NRG2: variants seen among roughly 807,000 people sequenced by gnomAD.
NRG2 encodes the protein pro-neuregulin-2, membrane-bound isoform.
NRG2 carries 27 observed loss-of-function variants against 73.9 expected under a neutral mutation model. That is an observed-to-expected ratio of 0.37 (90% CI 0.27 to 0.50). The LOEUF (loss-of-function observed/expected upper bound fraction) is 0.50. NRG2 is among the 20% of genes least tolerant of loss of function. The pLI, the probability that NRG2 is intolerant of heterozygous loss-of-function variation, is 0.96. For synonymous variants in NRG2, 532 were observed against 541.0 expected (o/e 0.98, Z 0.23); for missense variants, 1,126 against 1,210.1 (o/e 0.93, Z 1.03).
intron 1 of NRG2, among the ~76,000 whole-genome samples, chr5:139,942,543 A>G (rs1753480902): frequency 1.3e-5 from 2 of 152,292 alleles, no homozygotes; most frequent in South Asian, 4.2e-4. Context: ...GTGACTTCAA[A>G]CTTGGCATCC....
At chr5:139,960,840 C>A (rs1403329695) in intron 1 of NRG2, among the ~76,000 whole-genome samples, 2 of 152,192 alleles carry the variant, frequency 1.3e-5, no homozygotes, top group Non-Finnish European at 2.9e-5. Flanking sequence ...GTTAACCCCA[C>A]CACCTTCTAG....
chr5:139,867,836 G>A (rs1380667894), intron 4 of NRG2, among the ~76,000 whole-genome samples: 1 of 149,498 alleles, frequency 6.7e-6, no homozygotes, highest in Non-Finnish European at 1.5e-5. Flanking sequence ...GTGTGTGTGT[G>A]ACAGAGAGAG....
At chr5:139,895,250 C>A (rs1015885909) in intron 1 of NRG2, among the ~76,000 whole-genome samples, 1 of 152,240 alleles carries the variant, frequency 6.6e-6, no homozygotes, top group Non-Finnish European at 1.5e-5. Flanking sequence ...CAGGGCTCTG[C>A]AAGGCCAGGG....
intron 1 of NRG2, among the ~76,000 whole-genome samples, chr5:139,888,887 A>G (rs547637872): frequency 6.6e-6 from 1 of 152,346 alleles, no homozygotes; most frequent in African/African-American, 2.4e-5. Context: ...CCATTTTTAA[A>G]CAAAATGGAA....
At chr5:140,002,100 C>T (rs1758534377) in intron 1 of NRG2, among the ~76,000 whole-genome samples, 1 of 152,092 alleles carries the variant, frequency 6.6e-6, no homozygotes, top group Admixed American at 6.6e-5. Context: ...AGGAGGGTCA[C>T]TTGAGCCTGG....
At chr5:139,861,570 C>T (rs1048367988) in intron 5 of NRG2, among the ~76,000 whole-genome samples, 4 of 152,258 alleles carry the variant, frequency 2.6e-5, no homozygotes, top group African/African-American at 9.6e-5. Flanking sequence ...TTTCCAGACA[C>T]AAGCCATTCT....
intron 6 of NRG2, among the ~76,000 whole-genome samples, chr5:139,855,043 C>T (rs764527424): frequency 1.3e-5 from 2 of 152,144 alleles, no homozygotes; most frequent in Non-Finnish European, 2.9e-5. Flanking sequence ...TTAGACTGCC[C>T]GGCTCCCTCT....
intron 2 of NRG2, among the ~76,000 whole-genome samples, chr5:139,886,620 T>C (rs1763889741): frequency 6.6e-6 from 1 of 152,302 alleles, no homozygotes; most frequent in Admixed American, 6.5e-5. Context: ...GTTTTCCCCC[T>C]TGCTTCTCCT....
At chr5:139,898,410 G>A (rs1304688473) in intron 1 of NRG2, among the ~76,000 whole-genome samples, 2 of 152,218 alleles carry the variant, frequency 1.3e-5, no homozygotes, top group Non-Finnish European at 2.9e-5. Context: ...GCCTTGGTGT[G>A]TGGACTTCCC....
At position 140,008,321 on chromosome 5, in the gene NRG2, G is replaced by A. The variant is rs1013919183; in HGVS notation, c.700+34049C>T. Among the ~76,000 whole-genome samples, 3 of 152,150 alleles carry A rather than the reference G, an allele frequency of 2.0e-5. No individual in the cohort carries two copies. The highest frequency in any genetic ancestry group is 1.9e-4 in the East Asian group (1 of 5,186). On this transcript the variant is annotated intron_variant, in intron 1 of 9. Coordinates refer to ENST00000361474, the MANE Select transcript of NRG2 (RefSeq NM_004883.3). The surrounding 1 kb of genome is among the most constrained non-coding windows in gnomAD (Gnocchi z 4.2). The stretch of plus-strand genomic sequence containing the variant: ...GGGCTCTTGTTCCACTAGGGCTATC[G>A]CTGGCCCCTTTTACTGGATAGCTGA...
At chr5:139,935,116 C>T (rs1030690400) in intron 1 of NRG2, among the ~76,000 whole-genome samples, 22 of 152,002 alleles carry the variant, frequency 1.4e-4, no homozygotes, top group African/African-American at 5.1e-4. Context: ...GGCAGTGAGC[C>T]GAGATCATGC....
chr5:139,977,349 A>G (rs934195822), intron 1 of NRG2, among the ~76,000 whole-genome samples: 3 of 152,238 alleles, frequency 2.0e-5, no homozygotes, highest in African/African-American at 7.2e-5. Flanking sequence ...CTAAGAATCC[A>G]GAAACAGCCA....
chr5:139,973,953 T>C (rs1756181912), intron 1 of NRG2, among the ~76,000 whole-genome samples: 1 of 152,156 alleles, frequency 6.6e-6, no homozygotes, highest in Non-Finnish European at 1.5e-5. Context: ...GAATCTTTAG[T>C]TTTGTTGCTG....
chr5:139,850,557 T>C (rs772220805), intron 9 of NRG2, among the ~76,000 whole-genome samples: 38 of 152,174 alleles, frequency 2.5e-4, no homozygotes, highest in Non-Finnish European at 4.9e-4. Flanking sequence ...GTAGGCTGAG[T>C]TGAGAGCAAG....
intron 1 of NRG2, among the ~76,000 whole-genome samples, chr5:139,996,516 A>G (rs1758025233): frequency 6.6e-6 from 1 of 152,234 alleles, no homozygotes; most frequent in Non-Finnish European, 1.5e-5. Flanking sequence ...GTCTTACCAC[A>G]AAGAGAGATA....
chr5:139,889,000 AC>A (rs1396085609), intron 1 of NRG2, among the ~76,000 whole-genome samples: 1 of 152,184 alleles, frequency 6.6e-6, no homozygotes, highest in Middle Eastern at 3.2e-3. Flanking sequence ...AAACAGTGTA[AC>A]CCTTTCGCCT....
chr5:139,878,093 G>T (rs191025900), intron 3 of NRG2, among the ~76,000 whole-genome samples: 1 of 152,362 alleles, frequency 6.6e-6, no homozygotes, highest in East Asian at 1.9e-4. Context: ...TCTGGCCACA[G>T]GCCCCAAGCC....
At chr5:139,882,715 G>T (rs1264941200) in intron 2 of NRG2, among the ~76,000 whole-genome samples, 2 of 152,072 alleles carry the variant, frequency 1.3e-5, no homozygotes, top group Non-Finnish European at 2.9e-5. Context: ...GGGGGTGGGG[G>T]TGTTGATGCA....
intron 1 of NRG2, among the ~76,000 whole-genome samples, chr5:139,911,197 A>G (rs1750792187): frequency 6.6e-6 from 1 of 152,150 alleles, no homozygotes; most frequent in Admixed American, 6.5e-5. Context: ...AGGACAGCAG[A>G]GCAGGCTCTA....
Sources: allele counts gnomAD v4.1 joint callset (sites outside exome capture counted in the v4.1 genomes callset), GRCh38; gene constraint gnomAD v4.1.1; non-coding constraint Gnocchi (gnomAD v3.1); transcripts MANE v1.5; gene names NCBI Gene and HGNC (gene_info 2026-07-23, HGNC 2026-07-21).